The following AP3S1 variants were observed in gnomAD, a reference collection of about 807,000 sequenced individuals.
AP3S1 encodes the protein adaptor related protein complex 3 subunit sigma 1, also known as AP-3 complex subunit sigma-1.
A neutral mutation model predicts 21.3 loss-of-function variants in AP3S1; 12 were observed. The ratio of observed to expected loss-of-function variants is 0.56; its 90% CI spans 0.36 to 0.91. The LOEUF is 0.91. Among genes scored for constraint, AP3S1 ranks in the 40% least tolerant of loss-of-function variants. The probability of loss-of-function intolerance (pLI) is 0.01; values close to 1 mark genes in which losing one functional copy is unlikely to be tolerated. For missense variants in AP3S1, 116 were observed against 225.0 expected (o/e 0.52, Z 3.10); for synonymous variants, 48 against 78.4 (o/e 0.61, Z 2.05).
intron 1 of AP3S1, among the ~76,000 whole-genome samples, chr5:115,846,524 C>A (rs1347547505): frequency 1.3e-5 from 2 of 149,618 alleles, no homozygotes; most frequent in Non-Finnish European, 3.0e-5. Flanking sequence ...AAATGCAAGC[C>A]TTAGGAGGAA....
At chr5:115,859,249 G>A (rs914282410) in intron 1 of AP3S1, among the ~76,000 whole-genome samples, 1 of 152,160 alleles carries the variant, frequency 6.6e-6, no homozygotes. Flanking sequence ...ATGACTTAAC[G>A]TAATACAAGT....
intron 3 of AP3S1, among the ~76,000 whole-genome samples, chr5:115,876,708 C>T (rs1175842572): frequency 6.6e-6 from 1 of 152,132 alleles, no homozygotes; most frequent in African/African-American, 2.4e-5. Context: ...TTAACTTTGT[C>T]TTTCATTCAT....
intron 5 of AP3S1, among the ~76,000 whole-genome samples, chr5:115,908,205 G>C (rs1305985463): frequency 1.3e-5 from 2 of 152,104 alleles, no homozygotes; most frequent in East Asian, 3.9e-4. Context: ...CTCATATAGA[G>C]AATACATAGT....
intron 1 of AP3S1, among the ~76,000 whole-genome samples, chr5:115,859,784 G>A (rs1385303916): frequency 6.6e-6 from 1 of 152,188 alleles, no homozygotes; most frequent in African/African-American, 2.4e-5. Context: ...TTCCTACAGA[G>A]TTATGTTCCA....
At chr5:115,879,767 T>A (rs1300100323) in intron 3 of AP3S1, among the ~76,000 whole-genome samples, 1 of 152,202 alleles carries the variant, frequency 6.6e-6, no homozygotes, top group Non-Finnish European at 1.5e-5. Flanking sequence ...CGGAGTAGTT[T>A]CAGAAGGAAT....
At chr5:115,851,995 G>A (rs1307142431) in intron 1 of AP3S1, among the ~76,000 whole-genome samples, 1 of 152,076 alleles carries the variant, frequency 6.6e-6, no homozygotes, top group African/African-American at 2.4e-5. Context: ...GATTAAATAA[G>A]AGAATGGTTG....
Position 115,842,000 on chromosome 5 carries a change from C to T in AP3S1, c.-38C>T. 1.3e-6 allele frequency: 2 copies of T among 1,567,330 alleles called. No individual in the cohort carries two copies. Among genetic ancestry groups the T allele is most frequent in the Non-Finnish European group, 1.7e-6 (2 of 1,157,584 alleles). ...CGAGGCTCGCGCGCCCGCCCCCGCC[C>T]TGGCCCCCAGTGCCCACCCGGTCGG... On this transcript the variant is annotated 5_prime_UTR_variant, in exon 1 of 6. Coordinates refer to ENST00000316788, the MANE Select transcript of AP3S1 (RefSeq NM_001284.4).
chr5:115,911,286 T>C (rs1166095742), intron 5 of AP3S1, among the ~76,000 whole-genome samples: 2 of 151,960 alleles, frequency 1.3e-5, no homozygotes, highest in Admixed American at 6.6e-5. Flanking sequence ...AACATTATGT[T>C]TACTATTTAT....
intron 2 of AP3S1, among the ~76,000 whole-genome samples, chr5:115,869,242 C>G (rs1748004259): frequency 6.6e-6 from 1 of 152,104 alleles, no homozygotes; most frequent in Non-Finnish European, 1.5e-5. Flanking sequence ...TATCTTAGCT[C>G]AGTTTTCTTG....
At chr5:115,883,477 G>A (rs779365355) in intron 3 of AP3S1, among the ~76,000 whole-genome samples, 4 of 152,120 alleles carry the variant, frequency 2.6e-5, no homozygotes, top group Non-Finnish European at 4.4e-5. Flanking sequence ...AACCCCTTAC[G>A]CTTCCTAGGT....
chr5:115,877,120 G>T (rs959068138), intron 3 of AP3S1, among the ~76,000 whole-genome samples: 1 of 151,766 alleles, frequency 6.6e-6, no homozygotes, highest in Middle Eastern at 3.4e-3. Context: ...CAAATGGTGG[G>T]GTTTTTTTCT....
intron 2 of AP3S1, among the ~76,000 whole-genome samples, chr5:115,867,962 A>G (rs906993340): frequency 6.6e-6 from 1 of 152,182 alleles, no homozygotes; most frequent in Non-Finnish European, 1.5e-5. Context: ...GAGGCCTCAC[A>G]TCTAGTTTAA....
intron 1 of AP3S1, among the ~76,000 whole-genome samples, chr5:115,863,978 A>G (rs377353829): frequency 6.6e-6 from 1 of 152,224 alleles, no homozygotes; most frequent in Non-Finnish European, 1.5e-5. Context: ...CAGATTTTTA[A>G]TGCAGACGAA....
intron 1 of AP3S1, among the ~76,000 whole-genome samples, chr5:115,860,064 G>A (rs887136019): frequency 6.6e-6 from 1 of 152,168 alleles, no homozygotes; most frequent in African/African-American, 2.4e-5. Context: ...CTTTCTGGAG[G>A]CTCTGGGAGA....
At chr5:115,882,773 G>A (rs562206679) in intron 3 of AP3S1, among the ~76,000 whole-genome samples, 1 of 152,300 alleles carries the variant, frequency 6.6e-6, no homozygotes, top group East Asian at 1.9e-4. Flanking sequence ...AGGCATGAAC[G>A]TTTAAGTCTG....
intron 5 of AP3S1, among the ~76,000 whole-genome samples, chr5:115,908,214 G>A (rs899153115): frequency 1.3e-5 from 2 of 152,078 alleles, no homozygotes; most frequent in Non-Finnish European, 2.9e-5. Flanking sequence ...AGAATACATA[G>A]TAGTCTCATT....
intron 3 of AP3S1, among the ~76,000 whole-genome samples, chr5:115,894,542 G>A (rs1179118647): frequency 6.6e-6 from 1 of 152,184 alleles, no homozygotes; most frequent in Middle Eastern, 3.2e-3. Flanking sequence ...TTTGAGCAAC[G>A]CAAGCCTGCT....
chr5:115,854,221 T>A (rs945033249), intron 1 of AP3S1, among the ~76,000 whole-genome samples: 2 of 152,218 alleles, frequency 1.3e-5, no homozygotes, highest in Non-Finnish European at 2.9e-5. Context: ...TTAACACTGT[T>A]GCGTTGGAGA....
chr5:115,871,931 C>G (rs1204932062), intron 3 of AP3S1, among the ~76,000 whole-genome samples: 1 of 152,130 alleles, frequency 6.6e-6, no homozygotes, highest in Non-Finnish European at 1.5e-5. Context: ...GGTTTGAGCT[C>G]TAGTTGGCGT....
Sources: allele counts gnomAD v4.1 joint callset (sites outside exome capture counted in the v4.1 genomes callset), GRCh38; gene constraint gnomAD v4.1.1; transcripts MANE v1.5; gene names NCBI Gene and HGNC (gene_info 2026-07-23, HGNC 2026-07-21).